ZAN: variants seen among roughly 807,000 people sequenced by gnomAD.
ZAN encodes zonadhesin.
In ZAN, 260 loss-of-function variants were observed where a neutral mutation model predicts 286.2. That is an observed-to-expected ratio of 0.91 (90% CI 0.82 to 1.01). The LOEUF is 1.01. ZAN is among the 50% of genes least tolerant of loss of function. The pLI is 0.00. For missense variants in ZAN, 3,410 were observed against 3,639.2 expected (o/e 0.94, Z 1.62); for synonymous variants, 1,368 against 1,417.5 (o/e 0.97, Z 0.79).
chr7:100,739,249 T>C (rs1476169094), intron 7 of ZAN, among the ~76,000 whole-genome samples: 3 of 136,212 alleles, frequency 2.2e-5, no homozygotes, highest in Non-Finnish European at 4.9e-5. Flanking sequence ...GGACCTCAAG[T>C]GGTCCACCTG....
At chr7:100,790,916 T>G (rs1242713985) in intron 39 of ZAN, 26 bp from the exon 40 acceptor site, 2 of 1,565,028 alleles carry the variant, frequency 1.3e-6, no homozygotes, top group East Asian at 4.6e-5. Context: ...GGAGTCTCAC[T>G]TCTGGGGACC....
intron 11 of ZAN, among the ~76,000 whole-genome samples, chr7:100,749,415 C>T (rs541260303): frequency 1.8e-4 from 27 of 150,194 alleles, no homozygotes; most frequent in South Asian, 1.7e-3. Flanking sequence ...CCAAGGAGGG[C>T]GGATCACAAG....
At chr7:100,734,627 A>C (rs188832293) in intron 2 of ZAN, among the ~76,000 whole-genome samples, 9 of 139,198 alleles carry the variant, frequency 6.5e-5, no homozygotes, top group Admixed American at 2.9e-4. Context: ...TCAAAAAAAA[A>C]AAAACAAAAA....
intron 45 of ZAN, among the ~76,000 whole-genome samples, chr7:100,795,969 T>A (rs1812334855): frequency 6.6e-6 from 1 of 151,516 alleles, no homozygotes; most frequent in Admixed American, 6.6e-5. Flanking sequence ...TAATCCCAGC[T>A]ACTCAGAGGC....
intron 8 of ZAN, among the ~76,000 whole-genome samples, 197 bp from the exon 9 acceptor site, chr7:100,747,353 C>G (rs987924799): frequency 5.3e-5 from 8 of 152,038 alleles, no homozygotes; most frequent in African/African-American, 1.9e-4. Flanking sequence ...TGCCACTGCA[C>G]TCCAGCCTGG....
intron 38 of ZAN, 83 bp from the exon 39 acceptor site, chr7:100,789,135 T>C: frequency 2.6e-6 from 4 of 1,539,454 alleles, no homozygotes; most frequent in Non-Finnish European, 3.5e-6. Context: ...TGGAGATGAC[T>C]GGGAAAAGTG....
chr7:100,751,317 T>C (rs2075669), intron 13 of ZAN, 51 bp downstream of exon 13: 444,881 of 1,351,738 alleles, frequency 0.33, 74,701 homozygotes, highest in South Asian at 0.45. Flanking sequence ...TGAGGTTCCC[T>C]GGAGTTCTCT....
At chr7:100,776,401 G>A (rs775034029) in intron 33 of ZAN, 39 bp from the exon 34 acceptor site, 6 of 1,581,922 alleles carry the variant, frequency 3.8e-6, no homozygotes, top group East Asian at 4.6e-5. Flanking sequence ...AACTGTTCTC[G>A]TGCTTCCCCA....
chr7:100,761,652 A>T (rs891600578), intron 19 of ZAN, among the ~76,000 whole-genome samples: 9 of 151,886 alleles, frequency 5.9e-5, no homozygotes, highest in African/African-American at 1.9e-4. Flanking sequence ...ATAAAAAAAT[A>T]AATAAATAAT....
chr7:100,766,651 G>C lies in ZAN; in HGVS notation c.4597G>C (p.Gly1533Arg). The change falls in exon 24 of 48, where the codon GGC becomes CGC. Residue 1533 changes from glycine to arginine, a missense_variant. This residue lies in a region of ZAN where 1,042 missense variants were observed against 1,058.0 expected (regional missense o/e 0.98). Coordinates refer to ENST00000613979, the MANE Select transcript of ZAN (RefSeq NM_003386.3). ...CTGTGGCCAACAGGATGGTATCTAT[G>C]GCTGCCATGCCCAAGGTGAGCCATC... is the stretch of plus-strand genomic sequence containing the variant. ...EFCGQQDGIY[G>R]CHAQGAATCT... 6.4e-7 allele frequency: 1 copy of C among 1,567,752 alleles called. No homozygotes were observed. The highest frequency in any genetic ancestry group is 8.6e-7 in the Non-Finnish European group (1 of 1,156,460).
Position 100,795,280 on chromosome 7 carries a change from G to T in ZAN, c.8210G>T (p.Gly2737Val). 1 of 1,611,720 alleles carries T rather than the reference G, an allele frequency of 6.2e-7. No homozygotes were observed. Reference protein sequence around the residue: ...GATFTCECEVGYGGGLCMEPR... With the variant: ...GATFTCECEVVYGGGLCMEPR... ...ACCTTCACCTGCGAGTGTGAAGTTG[G>T]TTACGGGGGAGGCCTGTGTATGGAG... The change falls in exon 45 of 48, where the codon GGT becomes GTT. Residue 2737 changes from glycine to valine, a missense_variant. By Grantham distance (109) the Gly-to-Val change is moderately radical. Around this residue, in one of 7 missense-constraint regions of ZAN, gnomAD observed 1,289 missense variants for 1,314.3 expected, o/e 0.98. Coordinates refer to ENST00000613979, the MANE Select transcript of ZAN (RefSeq NM_003386.3).
chr7:100,765,988 G>T (rs944301935), intron 23 of ZAN, among the ~76,000 whole-genome samples: 18 of 139,946 alleles, frequency 1.3e-4, no homozygotes, highest in East Asian at 4.3e-4. Context: ...GTTGTTTTTG[G>T]TTTTTGTTTT....
In ZAN at chr7:100,765,482, C is replaced by T. The variant is rs1018055627; in HGVS notation, c.4398C>T (p.Phe1466=). ...CVEACECNPG[F]VLSGLECIPR... is the part of the protein sequence containing the mutation. ...AGGCCTGTGAATGCAATCCGGGCTT[C>T]GTCCTCAGTGGCCTCGAGTGCATAC... The change falls in exon 23 of 48, where the codon TTC becomes TTT. Residue 1466 remains phenylalanine, a synonymous_variant. Transcript: ENST00000613979. 9.3e-6 allele frequency: 15 copies of T among 1,613,004 alleles called. No homozygotes were observed. In the Admixed American group the frequency reaches 1.3e-4, roughly 14 times the overall value.
chr7:100,784,863 G>A (rs949661508), intron 36 of ZAN, 29 bp downstream of exon 36: 1 of 1,551,292 alleles, frequency 6.4e-7, no homozygotes, highest in Non-Finnish European at 8.7e-7. Flanking sequence ...TGGGACTGGA[G>A]GCAACACAGC....
chr7:100,760,458 G>A lies in ZAN; in HGVS notation c.3764G>A (p.Arg1255Gln), dbSNP rs376487262. 164 of 1,613,852 alleles carry A rather than the reference G, an allele frequency of 1.0e-4. No individual in the cohort carries two copies. Among genetic ancestry groups the A allele is most frequent in the African/African-American group, 5.3e-4 (40 of 74,900 alleles). The change falls in exon 19 of 48, where the codon CGG becomes CAG. Residue 1255 changes from arginine (R) to glutamine (Q), a missense_variant. Arg to Gln is a conservative substitution (Grantham distance 43). Coordinates refer to ENST00000613979, the MANE Select transcript of ZAN (RefSeq NM_003386.3). ...GGCGTCTTCCTGGGTGCAAGCGGGC[G>A]GTTTGTGGAGCTGCAGACGGAGTTC... ...SKGVFLGASG[R>Q]FVELQTEFGL... is the part of the protein sequence containing the mutation.
chr7:100,783,754 A>T (rs1229106324), intron 35 of ZAN, among the ~76,000 whole-genome samples: 1 of 35,242 alleles, frequency 2.8e-5, no homozygotes, highest in Non-Finnish European at 5.3e-5. Context: ...AAAAAAAAAA[A>T]AAAAAAAAAA....
At chr7:100,791,296 C>G (rs1811939330) in intron 40 of ZAN, among the ~76,000 whole-genome samples, 183 bp downstream of exon 40, 1 of 152,150 alleles carries the variant, frequency 6.6e-6, no homozygotes, top group Admixed American at 6.6e-5. Flanking sequence ...CAATGGAAAT[C>G]TCTCTCTGTG....
Position 100,775,370 on chromosome 7 carries a change from G to A in ZAN, c.5822G>A (p.Ser1941Asn), listed in dbSNP as rs762306618. The A allele has an allele frequency of 8.7e-6, 14 of 1,613,662 alleles. No homozygotes were observed. The highest frequency in any genetic ancestry group is 1.2e-5 in the Non-Finnish European group (14 of 1,179,856). Residue 1941 changes from serine (S) to asparagine (N), a missense_variant, in exon 32 of 48, where the codon AGC (serine) becomes AAC (asparagine). By Grantham distance (46) the Ser-to-Asn change is conservative. Transcript: ENST00000613979. ...CTCCCAGGGGAGTCCCACTACGTGA[G>A]CTTTGATGGTAGTAACCATTCTATC... is the stretch of plus-strand genomic sequence containing the variant. ...CQLPGESHYVSFDGSNHSIPD... is the reference protein window; with the variant it reads ...CQLPGESHYVNFDGSNHSIPD...
At chr7:100,776,321 G>A in intron 33 of ZAN, 119 bp from the exon 34 acceptor site, 7 of 525,964 alleles carry the variant, frequency 1.3e-5, no homozygotes, top group Non-Finnish European at 1.9e-5. Context: ...TTGAAGGAAG[G>A]GAGGGAGGGA....
Sources: allele counts gnomAD v4.1 joint callset (sites outside exome capture counted in the v4.1 genomes callset), GRCh38; gene constraint gnomAD v4.1.1; regional missense constraint gnomAD v4.1.1; transcripts MANE v1.5; gene names NCBI Gene and HGNC (gene_info 2026-07-23, HGNC 2026-07-21).